MSI2: variants seen among roughly 807,000 people sequenced by gnomAD.
MSI2 encodes the protein musashi RNA binding protein 2.
In MSI2, 17 loss-of-function variants were observed where a neutral mutation model predicts 45.6. The observed-to-expected ratio is 0.37, with a 90% CI of 0.26 to 0.56. The LOEUF (loss-of-function observed/expected upper bound fraction) is 0.56, where lower values mean the gene tolerates loss of function less well. Among genes scored for constraint, MSI2 ranks in the 20% least tolerant of loss-of-function variants. MSI2 has a pLI of 0.77. For missense variants in MSI2, 293 were observed against 444.2 expected (o/e 0.66, Z 3.06); for synonymous variants, 156 against 158.2 (o/e 0.99, Z 0.11).
intron 7 of MSI2, among the ~76,000 whole-genome samples, chr17:57,574,181 C>T (rs1465604708): frequency 2.0e-5 from 3 of 152,178 alleles, no homozygotes; most frequent in Non-Finnish European, 4.4e-5. Context: ...CCAGCAATGC[C>T]GCTGCTCCTC....
intron 7 of MSI2, among the ~76,000 whole-genome samples, chr17:57,533,107 C>T (rs1482756528): frequency 3.9e-5 from 6 of 152,204 alleles, no homozygotes; most frequent in Admixed American, 3.3e-4. Context: ...CACTCCTTGA[C>T]CCCACTGGTC....
chr17:57,445,313 A>T (rs79985579), intron 6 of MSI2, among the ~76,000 whole-genome samples: 4,496 of 152,324 alleles, frequency 0.03, 238 homozygotes, highest in African/African-American at 0.1. Flanking sequence ...CATTTTGTAC[A>T]TACAAGCCTT....
intron 5 of MSI2, among the ~76,000 whole-genome samples, chr17:57,310,335 A>T (rs1398256106): frequency 2.1e-5 from 3 of 141,400 alleles, no homozygotes; most frequent in Non-Finnish European, 4.7e-5. Flanking sequence ...AGGTTGTGTT[A>T]TTTTTTTTTT....
At chr17:57,577,954 T>A (rs923225726) in intron 7 of MSI2, among the ~76,000 whole-genome samples, 3 of 152,166 alleles carry the variant, frequency 2.0e-5, no homozygotes, top group Non-Finnish European at 4.4e-5. Flanking sequence ...AAGCAAAGCT[T>A]TGGAAAAACA....
chr17:57,377,069 C>T lies in MSI2; in HGVS notation c.313-24310C>T, dbSNP rs569158346. ...CCAAGTAGCTGGGACTACAGGCGCC[C>T]GCCACCACGCCCAGCTAATTTTTTG... On this transcript the variant is annotated intron_variant, in intron 5 of 13. Coordinates refer to ENST00000284073, the MANE Select transcript of MSI2 (RefSeq NM_138962.4). Among the ~76,000 whole-genome samples, 521 of 152,174 alleles carry T rather than the reference C, an allele frequency of 3.4e-3. 1 individual carries two copies. Among genetic ancestry groups the T allele is most frequent in the Admixed American group, 4.1e-3 (63 of 15,276 alleles).
At chr17:57,557,563 G>GA (rs1271189737) in intron 7 of MSI2, among the ~76,000 whole-genome samples, 3 of 152,248 alleles carry the variant, frequency 2.0e-5, no homozygotes, top group African/African-American at 7.2e-5. Flanking sequence ...ACCCTGCCTT[G>GA]AAGGGTGTGT....
rs562532697 is a variant in MSI2 at position 57,407,638 on chromosome 17, G to A, written c.405+6167G>A. Among the ~76,000 whole-genome samples the A allele has an allele frequency of 2.0e-5, 3 of 152,226 alleles. No homozygotes were observed. The highest frequency in any genetic ancestry group is 1.9e-4 in the East Asian group (1 of 5,170). On this transcript the variant is annotated intron_variant, in intron 6 of 13. Coordinates refer to ENST00000284073, the MANE Select transcript of MSI2 (RefSeq NM_138962.4). This position sits in a 1 kb window ranked among gnomAD's most constrained non-coding sequence, Gnocchi z 4.1. ...TTGCCCGGGGAGTGGTCAGCCTCCC[G>A]GGCCTCACCCTGTCCTCTGCTCCAC...
At chr17:57,575,292 G>T (rs1247169172) in intron 7 of MSI2, among the ~76,000 whole-genome samples, 1 of 151,990 alleles carries the variant, frequency 6.6e-6, no homozygotes, top group Non-Finnish European at 1.5e-5. Context: ...TATAGTTTCT[G>T]TGGCATCATT....
intron 11 of MSI2, among the ~76,000 whole-genome samples, chr17:57,656,922 G>A (rs1003356736): frequency 5.3e-5 from 8 of 152,188 alleles, no homozygotes; most frequent in African/African-American, 1.9e-4. Flanking sequence ...AGAGCTTCTG[G>A]AGGTGTCCCT....
intron 8 of MSI2, among the ~76,000 whole-genome samples, chr17:57,607,250 C>G (rs919280963): frequency 7.9e-5 from 12 of 152,194 alleles, no homozygotes; most frequent in Non-Finnish European, 1.5e-4. Context: ...GCCTTCCTCC[C>G]CAGAGTAACC....
chr17:57,471,272 G>A (rs2085430920), intron 6 of MSI2, among the ~76,000 whole-genome samples: 1 of 146,538 alleles, frequency 6.8e-6, no homozygotes, highest in African/African-American at 2.5e-5. Context: ...GGCATTTATG[G>A]AGCACTTTTT....
At chr17:57,412,640 C>T (rs758624199) in intron 6 of MSI2, among the ~76,000 whole-genome samples, 2 of 152,186 alleles carry the variant, frequency 1.3e-5, no homozygotes, top group Non-Finnish European at 2.9e-5. Flanking sequence ...TAGAACCATT[C>T]AGTTCTGCCA....
intron 6 of MSI2, among the ~76,000 whole-genome samples, chr17:57,430,892 G>A (rs1304883251): frequency 1.3e-5 from 2 of 152,236 alleles, no homozygotes; most frequent in East Asian, 3.8e-4. Flanking sequence ...ACTGTTTATA[G>A]AATCTGCATT....
intron 7 of MSI2, among the ~76,000 whole-genome samples, chr17:57,556,536 G>A (rs779607622): frequency 6.6e-6 from 1 of 152,200 alleles, no homozygotes; most frequent in Admixed American, 6.5e-5. Context: ...GGGAGGTCAG[G>A]GCGTCCAGTG....
chr17:57,367,532 T>C (rs768031418), intron 5 of MSI2, among the ~76,000 whole-genome samples: 24 of 152,280 alleles, frequency 1.6e-4, no homozygotes, highest in South Asian at 1.5e-3. Flanking sequence ...GCCTGCCCCA[T>C]TGGGCCGGAA....
chr17:57,606,348 C>T (rs1274604244), intron 8 of MSI2: 1 of 152,206 alleles, frequency 6.6e-6, no homozygotes, highest in Non-Finnish European at 1.5e-5. Context: ...ATGGGGTAGG[C>T]ACAGCTGTCA....
chr17:57,476,420 G>T (rs1230693775), intron 6 of MSI2, among the ~76,000 whole-genome samples: 1 of 152,208 alleles, frequency 6.6e-6, no homozygotes, highest in African/African-American at 2.4e-5. Context: ...GTCTAGAGTG[G>T]CCTACTGGGG....
chr17:57,691,210 TC>T, the MSI2 span, among the ~76,000 whole-genome samples: 1 of 112,862 alleles, frequency 8.9e-6, no homozygotes, highest in Non-Finnish European at 1.9e-5. Flanking sequence ...CATCTATCTA[TC>T]TATCTATCTA....
Position 57,596,920 on chromosome 17 carries a change from G to A in MSI2, c.507G>A (p.Glu169=). ...ENEDVVEKVC[E]IHFHEINNKM... Reference sequence around the variant, plus strand: ...AAGATGTTGTGGAGAAAGTCTGTGAGATTCATTTCCATGAAATCAATAATA... The same window carrying A: ...AAGATGTTGTGGAGAAAGTCTGTGAAATTCATTTCCATGAAATCAATAATA... The change falls in exon 8 of 14, where the codon GAG becomes GAA. Residue 169 remains glutamate (E), a synonymous_variant. Coordinates refer to ENST00000284073, the MANE Select transcript of MSI2 (RefSeq NM_138962.4). This position sits in a 1 kb window ranked among gnomAD's most constrained non-coding sequence, Gnocchi z 4.6. 1 of 1,613,442 alleles carries A rather than the reference G, an allele frequency of 6.2e-7. No individual in the cohort carries two copies. Among genetic ancestry groups the A allele is most frequent in the Non-Finnish European group, 8.5e-7 (1 of 1,179,344 alleles).
Sources: gnomAD v4.1 joint callset for allele counts (sites outside exome capture counted in the v4.1 genomes callset) on GRCh38, gnomAD v4.1.1 for gene constraint, Gnocchi (gnomAD v3.1) non-coding constraint, MANE v1.5 for transcripts, NCBI Gene and HGNC (gene_info 2026-07-23, HGNC 2026-07-21) for gene names.